The following HEMK2 variants were observed in gnomAD, a reference collection of about 807,000 sequenced individuals.
HEMK2 encodes the protein methyltransferase HEMK2.
chr21:28,836,582 T>C, the HEMK2 span, among the ~76,000 whole-genome samples: 3 of 150,208 alleles, frequency 2.0e-5, no homozygotes, highest in African/African-American at 7.4e-5. Context: ...AAATACAAGC[T>C]AAAAAGCAAA....
chr21:28,874,528 G>A, the HEMK2 span: 2 of 152,248 alleles, frequency 1.3e-5, no homozygotes, highest in East Asian at 1.9e-4. Flanking sequence ...AGAAGTCCAC[G>A]TTGCTGAGCC....
chr21:28,730,352 G>C, the HEMK2 span, among the ~76,000 whole-genome samples: 27 of 143,206 alleles, frequency 1.9e-4, no homozygotes, highest in African/African-American at 7.3e-4. Context: ...CTGCACTCCA[G>C]CCTGGGCAAA....
At chr21:28,638,915 G>A in the HEMK2 span, among the ~76,000 whole-genome samples, 1 of 152,180 alleles carries the variant, frequency 6.6e-6, no homozygotes, top group African/African-American at 2.4e-5. Context: ...TGTGGACAAC[G>A]TCATCACCAC....
chr21:28,737,652 T>A, the HEMK2 span, among the ~76,000 whole-genome samples: 1 of 151,868 alleles, frequency 6.6e-6, no homozygotes, highest in African/African-American at 2.4e-5. Context: ...GCCTTAGAAA[T>A]GTGCACCAAG....
the HEMK2 span, among the ~76,000 whole-genome samples, chr21:28,835,780 G>A: frequency 4.6e-5 from 7 of 152,046 alleles, no homozygotes; most frequent in Admixed American, 1.3e-4. Flanking sequence ...GGAAATAGAC[G>A]GCTTAAAGAA....
At chr21:28,666,809 T>C in the HEMK2 span, among the ~76,000 whole-genome samples, 1 of 152,280 alleles carries the variant, frequency 6.6e-6, no homozygotes, top group East Asian at 1.9e-4. Flanking sequence ...GAAAATATAG[T>C]CGTTAGTTCT....
the HEMK2 span, among the ~76,000 whole-genome samples, chr21:28,735,885 T>C: frequency 2.0e-3 from 305 of 152,304 alleles, 5 homozygotes; most frequent in Admixed American, 0.017. Context: ...CCAACCACAG[T>C]GAAGGCAAGG....
the HEMK2 span, among the ~76,000 whole-genome samples, chr21:28,582,669 T>C: frequency 6.6e-6 from 1 of 152,202 alleles, no homozygotes; most frequent in East Asian, 1.9e-4. Context: ...GAGGAAATAC[T>C]ATAATCAGTA....
the HEMK2 span, among the ~76,000 whole-genome samples, chr21:28,742,346 A>G: frequency 6.6e-6 from 1 of 152,170 alleles, no homozygotes; most frequent in Non-Finnish European, 1.5e-5. Flanking sequence ...GCAACCCTAC[A>G]TCTCATCACT....
the HEMK2 span, among the ~76,000 whole-genome samples, chr21:28,580,796 T>C: frequency 6.6e-6 from 1 of 152,172 alleles, no homozygotes; most frequent in Non-Finnish European, 1.5e-5. Context: ...TGTGTGCATA[T>C]CCTGTTCCTG....
chr21:28,679,114 G>T, the HEMK2 span, among the ~76,000 whole-genome samples: 1 of 152,132 alleles, frequency 6.6e-6, no homozygotes, highest in African/African-American at 2.4e-5. Flanking sequence ...TGGATAAAGA[G>T]TCAAGACCCA....
At chr21:28,650,604 A>G in the HEMK2 span, among the ~76,000 whole-genome samples, 2 of 152,176 alleles carry the variant, frequency 1.3e-5, no homozygotes, top group Admixed American at 6.5e-5. Flanking sequence ...GGAAGTACCT[A>G]TAGCCAACAT....
At chr21:28,871,148 T>G in the HEMK2 span, among the ~76,000 whole-genome samples, 5 of 152,242 alleles carry the variant, frequency 3.3e-5, no homozygotes, top group Non-Finnish European at 7.3e-5. Flanking sequence ...TTTAGTAAAG[T>G]GTAAACCTTT....
chr21:28,633,489 C>T, the HEMK2 span, among the ~76,000 whole-genome samples: 1 of 152,162 alleles, frequency 6.6e-6, no homozygotes, highest in African/African-American at 2.4e-5. Flanking sequence ...ATAGAAGAGA[C>T]TGAACAGGAA....
the HEMK2 span, among the ~76,000 whole-genome samples, chr21:28,769,593 T>C: frequency 6.6e-6 from 1 of 152,146 alleles, no homozygotes; most frequent in Admixed American, 6.5e-5. Context: ...ATAGATATTT[T>C]AATCCCTCTG....
chr21:28,810,459 C>T, the HEMK2 span, among the ~76,000 whole-genome samples: 2 of 152,322 alleles, frequency 1.3e-5, no homozygotes, highest in South Asian at 2.1e-4. Flanking sequence ...GCTCACCCAG[C>T]AACCATTTGC....
chr21:28,727,432 T>C, the HEMK2 span, among the ~76,000 whole-genome samples: 1 of 152,242 alleles, frequency 6.6e-6, no homozygotes, highest in African/African-American at 2.4e-5. Context: ...TAAAACCTAA[T>C]GCCCAGGCAG....
chr21:28,770,916 TCTCTACCTC>T, the HEMK2 span, among the ~76,000 whole-genome samples: 22 of 152,256 alleles, frequency 1.4e-4, no homozygotes, highest in Admixed American at 1.4e-3. Flanking sequence ...ATGCTACAAT[TCTCTACCTC>T]TTTCTCCACT....
chr21:28,667,710 AT>A, the HEMK2 span, among the ~76,000 whole-genome samples: 1 of 152,214 alleles, frequency 6.6e-6, no homozygotes, highest in Non-Finnish European at 1.5e-5. Flanking sequence ...TAAAAACACT[AT>A]TCTAGAGGCA....
Sources: allele counts gnomAD v4.1 joint callset (sites outside exome capture counted in the v4.1 genomes callset), GRCh38; gene constraint gnomAD v4.1.1; transcripts MANE v1.5; gene names NCBI Gene and HGNC (gene_info 2026-07-23, HGNC 2026-07-21).